The following PCNX2 variants were observed in gnomAD, a reference collection of about 807,000 sequenced individuals.
PCNX2 encodes pecanex-like protein 2.
In PCNX2, 168 loss-of-function variants were observed where a neutral mutation model predicts 223.8. That is an observed-to-expected ratio of 0.75 (90% CI 0.66 to 0.85). PCNX2 has a LOEUF of 0.85. PCNX2 is among the 40% of genes least tolerant of loss of function. The pLI is 0.00. For missense variants in PCNX2, 2,507 were observed against 2,675.5 expected, an observed-to-expected ratio of 0.94 and a Z score of 1.39; for synonymous variants, 1,006 against 1,052.6, an observed-to-expected ratio of 0.96 and a Z score of 0.86.
At chr1:233,056,004 G>C (rs1672179155) in intron 24 of PCNX2, among the ~76,000 whole-genome samples, 1 of 152,196 alleles carries the variant, frequency 6.6e-6, no homozygotes, top group Non-Finnish European at 1.5e-5. Context: ...ACTCATGACA[G>C]TTGAAAGCTG....
intron 5 of PCNX2, among the ~76,000 whole-genome samples, chr1:233,254,699 G>A (rs896698586): frequency 4.7e-5 from 7 of 148,030 alleles, no homozygotes; most frequent in Admixed American, 3.3e-4. Flanking sequence ...CTAGATATAC[G>A]CACTTTTTTT....
intron 15 of PCNX2, among the ~76,000 whole-genome samples, chr1:233,194,035 C>A (rs1370482718): frequency 4.0e-5 from 6 of 149,042 alleles, no homozygotes; most frequent in Non-Finnish European, 8.9e-5. Context: ...AAACAACTCA[C>A]AAATCAAACA....
At position 233,054,449 on chromosome 1, in the gene PCNX2, A is replaced by G. The variant is rs763990000; in HGVS notation, c.4170T>C (p.Tyr1390=). 6.2e-7 allele frequency: 1 copy of G among 1,613,782 alleles called. No homozygotes were observed. Among genetic ancestry groups the G allele is most frequent in the South Asian group, 1.1e-5 (1 of 91,046 alleles). The change falls in exon 25 of 34, where the codon TAT becomes TAC. Residue 1390 remains tyrosine, a synonymous_variant. Transcript: ENST00000258229. ...CCTGGAGGGTCCTTGTCAAGTGTTCATAAAAAATGGAATTGAGATTGTTGT... is the reference window on the plus strand; with the variant it reads ...CCTGGAGGGTCCTTGTCAAGTGTTCGTAAAAAATGGAATTGAGATTGTTGT... ...NDDNNLNSIF[Y]EHLTRTLQES...
At chr1:233,193,423 G>A (rs1680531935) in intron 15 of PCNX2, among the ~76,000 whole-genome samples, 1 of 152,114 alleles carries the variant, frequency 6.6e-6, no homozygotes, top group Non-Finnish European at 1.5e-5. Context: ...TGGTGCTCCA[G>A]AAAACTTAAG....
At chr1:233,224,514 C>T (rs975243158) in intron 10 of PCNX2, among the ~76,000 whole-genome samples, 88 of 152,204 alleles carry the variant, frequency 5.8e-4, no homozygotes, top group African/African-American at 1.8e-3. Context: ...CCACTGCTTT[C>T]TTCCGCTTCC....
At chr1:233,080,401 A>AAC (rs10611197) in intron 23 of PCNX2, among the ~76,000 whole-genome samples, 2,978 of 140,568 alleles carry the variant, frequency 0.021, 46 homozygotes, top group Middle Eastern at 0.045. Flanking sequence ...CACACACACA[A>AAC]ACACACACAC....
At chr1:233,043,408 A>T (rs939489794) in intron 25 of PCNX2, among the ~76,000 whole-genome samples, 6 of 152,144 alleles carry the variant, frequency 3.9e-5, no homozygotes, top group African/African-American at 1.4e-4. Context: ...TTAGATTTTT[A>T]AAAAATTATT....
chr1:233,016,113 G>T (rs1005684523), intron 27 of PCNX2, among the ~76,000 whole-genome samples: 7 of 152,160 alleles, frequency 4.6e-5, no homozygotes, highest in African/African-American at 1.7e-4. Flanking sequence ...CTTCTTTGTG[G>T]TTGGTCTGGA....
intron 26 of PCNX2, among the ~76,000 whole-genome samples, chr1:233,022,227 G>A (rs1307988668): frequency 6.6e-6 from 1 of 152,154 alleles, no homozygotes; most frequent in African/African-American, 2.4e-5. Context: ...TGTCCAGACT[G>A]TATGGCCCAG....
chr1:233,286,298 G>A (rs886837538), intron 1 of PCNX2, among the ~76,000 whole-genome samples: 2 of 151,846 alleles, frequency 1.3e-5, no homozygotes, highest in African/African-American at 4.8e-5. Flanking sequence ...CACCTAATAT[G>A]AGTCCCCTAC....
chr1:233,241,481 G>T, intron 8 of PCNX2: 1 of 752,558 alleles, frequency 1.3e-6, no homozygotes. Context: ...AGTGAAAGGA[G>T]CAAAGAGTAA....
chr1:233,258,461 A>G lies in PCNX2; in HGVS notation c.1401T>C (p.Cys467=). The change falls in exon 5 of 34, where the codon TGT becomes TGC. Residue 467 remains cysteine (C), a synonymous_variant. Coordinates refer to ENST00000258229, the MANE Select transcript of PCNX2 (RefSeq NM_014801.4). ...RLKTRVSTNQ[C]SGYGSGEGGN... is the part of the protein sequence containing the mutation. Reference sequence around the variant, plus strand: ...CCCCCTCCCCAGATCCGTAGCCAGAACACTGATTGGTGGATACCCTCGTCT... The same window carrying G: ...CCCCCTCCCCAGATCCGTAGCCAGAGCACTGATTGGTGGATACCCTCGTCT... 6.2e-7 allele frequency: 1 copy of G among 1,613,982 alleles called. No individual in the cohort carries two copies. The highest frequency in any genetic ancestry group is 8.5e-7 in the Non-Finnish European group (1 of 1,179,892).
At position 233,184,405 on chromosome 1, in the gene PCNX2, A is replaced by G. The variant is rs554488260; in HGVS notation, c.3067-5230T>C. On this transcript the variant is annotated intron_variant, in intron 15 of 33. Transcript: ENST00000258229. ...TGAGATTTAAAACAGCCTTGTCCCCAGCAAAGTTGAATGTCAGTGTTAGTT... is the reference window on the plus strand; with the variant it reads ...TGAGATTTAAAACAGCCTTGTCCCCGGCAAAGTTGAATGTCAGTGTTAGTT... Among the ~76,000 whole-genome samples, 35 of 152,270 alleles carry G rather than the reference A, an allele frequency of 2.3e-4. No homozygotes were observed. In the East Asian group the frequency reaches 5.4e-3, roughly 24 times the overall value.
chr1:233,144,360 T>C (rs973489972), intron 19 of PCNX2, among the ~76,000 whole-genome samples: 15 of 152,312 alleles, frequency 9.8e-5, no homozygotes, highest in African/African-American at 3.6e-4. Flanking sequence ...TTTTTAAGTT[T>C]ACTCCAGTCA....
At chr1:233,014,814 A>C in intron 27 of PCNX2, 37 bp from the exon 28 acceptor site, 1 of 1,515,698 alleles carries the variant, frequency 6.6e-7, no homozygotes, top group East Asian at 2.3e-5. Context: ...TTTCACACAG[A>C]TTCCAATATG....
At chr1:233,145,079 C>T (rs1677362096) in intron 19 of PCNX2, among the ~76,000 whole-genome samples, 1 of 151,728 alleles carries the variant, frequency 6.6e-6, no homozygotes, top group African/African-American at 2.4e-5. Flanking sequence ...ATTCTCCTGC[C>T]TCAGCCTCCC....
chr1:233,261,340 C>T lies in PCNX2; in HGVS notation c.481-19G>A, dbSNP rs1414516057. 1.9e-6 allele frequency: 3 copies of T among 1,610,884 alleles called. No homozygotes were observed. The highest frequency in any genetic ancestry group is 1.7e-5 in the Admixed American group (1 of 59,768). On this transcript the variant is annotated intron_variant, in intron 3 of 33. Transcript: ENST00000258229. ...ACAACTCCTACACAAATGAAAGAAA[C>T]AAAAATCAATAGATGACTCAGCTGA...
chr1:233,054,155 G>T, intron 25 of PCNX2, 113 bp downstream of exon 25: 2 of 894,330 alleles, frequency 2.2e-6, no homozygotes, highest in East Asian at 2.6e-5. Context: ...CTCACTTTCA[G>T]TAGGAAGACA....
At position 233,133,901 on chromosome 1, in the gene PCNX2, G is replaced by A. The variant is rs192987593; in HGVS notation, c.3837+1112C>T. Among the ~76,000 whole-genome samples, 87 of 152,090 alleles carry A rather than the reference G, an allele frequency of 5.7e-4. No homozygotes were observed. The East Asian group carries it at 0.011, about 19-fold the overall frequency. On this transcript the variant is annotated intron_variant, in intron 21 of 33. Transcript: ENST00000258229. The stretch of plus-strand genomic sequence containing the variant: ...TAAAATAAAAAACAAAGAAATTCAC[G>A]TGCAATGGTGGGGTGGTGGGAATTA...
Sources: gnomAD v4.1 joint callset for allele counts (sites outside exome capture counted in the v4.1 genomes callset) on GRCh38, gnomAD v4.1.1 for gene constraint, MANE v1.5 for transcripts, NCBI Gene and HGNC (gene_info 2026-07-23, HGNC 2026-07-21) for gene names.